The following AXDND1 variants were observed in gnomAD, a reference collection of about 807,000 sequenced individuals.
AXDND1 encodes axonemal dynein light chain domain containing 1, also known as axonemal dynein light chain domain-containing protein 1.
AXDND1 carries 110 observed loss-of-function variants against 137.5 expected under a neutral mutation model. That is an observed-to-expected ratio of 0.80 (90% CI 0.69 to 0.94). AXDND1 has a LOEUF of 0.94. Ranked by LOEUF, AXDND1 falls within the 40% of genes least tolerant of loss-of-function variation. The pLI, the probability that AXDND1 is intolerant of heterozygous loss-of-function variation, is 0.00. For missense variants in AXDND1, 1,191 were observed against 1,169.8 expected, an observed-to-expected ratio of 1.02 and a Z score of -0.26; for synonymous variants, 414 against 399.7, an observed-to-expected ratio of 1.04 and a Z score of -0.43.
chr1:179,455,688 G>A, intron 16 of AXDND1: 1 of 153,328 alleles, frequency 6.5e-6, no homozygotes, highest in Non-Finnish European at 1.5e-5. Context: ...ATCACCTTGG[G>A]GGGGAAATAT....
chr1:179,414,194 TACA>T (rs1654329886), intron 12 of AXDND1, among the ~76,000 whole-genome samples: 1 of 125,016 alleles, frequency 8.0e-6, no homozygotes, highest in South Asian at 2.7e-4. Flanking sequence ...ACAAGATAAA[TACA>T]AAAAAAAACC....
intron 25 of AXDND1, chr1:179,545,280 T>G (rs1207071083): frequency 6.6e-6 from 1 of 152,250 alleles, no homozygotes; most frequent in Non-Finnish European, 1.5e-5. Context: ...CCTAGAATTT[T>G]AGACCTTTAC....
intron 17 of AXDND1, among the ~76,000 whole-genome samples, chr1:179,473,975 A>G (rs12732253): frequency 0.55 from 83,337 of 151,752 alleles, 23,163 homozygotes; most frequent in East Asian, 0.76. Context: ...TGTAATCCTA[A>G]CATTTTGGGA....
At chr1:179,407,216 G>A (rs970416166) in intron 11 of AXDND1, among the ~76,000 whole-genome samples, 1 of 151,728 alleles carries the variant, frequency 6.6e-6, no homozygotes, top group Middle Eastern at 3.2e-3. Context: ...TGGCTAGCAG[G>A]GTTTTTTTTC....
In AXDND1 at chr1:179,437,887, C is replaced by G. The variant is rs548257394; in HGVS notation, c.1563+5545C>G. On this transcript the variant is annotated intron_variant, in intron 15 of 25. Transcript: ENST00000367618. The stretch of plus-strand genomic sequence containing the variant: ...AAGGTAATGGCCGGGCATTGTGGCT[C>G]ATGCCTGTAATCCCAGCACTTTGGG... Among the ~76,000 whole-genome samples the G allele has an allele frequency of 2.6e-5, 4 of 152,292 alleles. No homozygotes were observed. The South Asian group carries it at 8.3e-4, about 32-fold the overall frequency.
intron 15 of AXDND1, among the ~76,000 whole-genome samples, chr1:179,434,045 G>T (rs1657778757): frequency 6.6e-6 from 1 of 152,110 alleles, no homozygotes; most frequent in Admixed American, 6.5e-5. Flanking sequence ...TCTGTGTTGG[G>T]TGCATACATA....
chr1:179,468,603 T>C lies in AXDND1; in HGVS notation c.1959T>C (p.Thr653=), dbSNP rs1558226979. 1 of 1,612,340 alleles carries C rather than the reference T, an allele frequency of 6.2e-7. No individual in the cohort carries two copies. The highest frequency in any genetic ancestry group is 8.5e-7 in the Non-Finnish European group (1 of 1,179,664). Residue 653 remains threonine, a synonymous_variant, in exon 17 of 26, where the codon ACT becomes ACC. Transcript: ENST00000367618. ...ACTTGGATATATTGTTAAACCTTAC[T>C]GGTATTGTTCCACAGCACATAGATG... ...KSHLDILLNL[T]GIVPQHIDVD...
chr1:179,464,568 TTGG>T (rs1324905131), intron 16 of AXDND1, among the ~76,000 whole-genome samples: 2 of 152,164 alleles, frequency 1.3e-5, no homozygotes, highest in Non-Finnish European at 2.9e-5. Flanking sequence ...CATTTCAACT[TTGG>T]TGAATCTGAC....
intron 17 of AXDND1, 112 bp downstream of exon 17, chr1:179,468,753 A>T (rs1030748944): frequency 1.3e-6 from 1 of 773,242 alleles, no homozygotes; most frequent in Non-Finnish European, 1.9e-6. Flanking sequence ...GGTGTTCAGT[A>T]TATTTATAGA....
intron 11 of AXDND1, among the ~76,000 whole-genome samples, chr1:179,404,323 G>T (rs953458200): frequency 3.3e-5 from 5 of 151,246 alleles, no homozygotes; most frequent in African/African-American, 1.2e-4. Flanking sequence ...CTGGGTTCAA[G>T]CAGTTCTCCT....
intron 14 of AXDND1, among the ~76,000 whole-genome samples, chr1:179,431,564 T>TG (rs956798565): frequency 1.2e-4 from 18 of 151,552 alleles, no homozygotes; most frequent in Non-Finnish European, 2.4e-4. Context: ...TCTAAGGTTT[T>TG]TTTTTTTTTT....
intron 15 of AXDND1, among the ~76,000 whole-genome samples, chr1:179,440,722 A>G (rs1658860779): frequency 1.3e-5 from 2 of 152,240 alleles, no homozygotes; most frequent in African/African-American, 4.8e-5. Flanking sequence ...CAAATAAGAG[A>G]AATGTGAAGA....
chr1:179,379,275 C>A, intron 5 of AXDND1, 122 bp from the exon 6 acceptor site: 2 of 1,024,964 alleles, frequency 2.0e-6, no homozygotes, highest in Non-Finnish European at 2.8e-6. Flanking sequence ...GTTATTTCTC[C>A]AATCAAAATT....
intron 12 of AXDND1, among the ~76,000 whole-genome samples, chr1:179,412,410 A>C (rs1311827371): frequency 6.6e-6 from 1 of 152,182 alleles, no homozygotes; most frequent in Non-Finnish European, 1.5e-5. Context: ...AGCGTTCTCC[A>C]TGGAGATATA....
At chr1:179,490,759 C>CT (rs1433103931) in intron 18 of AXDND1, among the ~76,000 whole-genome samples, 14 of 68,832 alleles carry the variant, frequency 2.0e-4, no homozygotes, top group Non-Finnish European at 2.1e-4. Flanking sequence ...TCACACAGTA[C>CT]TTGTTTTTTT....
At chr1:179,440,877 T>A (rs1658883432) in intron 15 of AXDND1, among the ~76,000 whole-genome samples, 1 of 152,222 alleles carries the variant, frequency 6.6e-6, no homozygotes, top group African/African-American at 2.4e-5. Flanking sequence ...GTTGATAGGA[T>A]CTGAAGCTGT....
At chr1:179,528,744 A>G (rs2125694897) in intron 23 of AXDND1, among the ~76,000 whole-genome samples, 2 of 142,872 alleles carry the variant, frequency 1.4e-5, no homozygotes, top group Middle Eastern at 4.2e-3. Context: ...GGTTCCTGCT[A>G]CCATGCCCGG....
chr1:179,411,553 G>A (rs1000945508), intron 12 of AXDND1, among the ~76,000 whole-genome samples: 1 of 152,052 alleles, frequency 6.6e-6, no homozygotes, highest in Non-Finnish European at 1.5e-5. Flanking sequence ...TCAAAAAAAT[G>A]AGGATGTATA....
In AXDND1 at chr1:179,444,818, T is replaced by C. The variant is rs1659494698; in HGVS notation, c.1564-152T>C. 9.1e-6 allele frequency: 4 copies of C among 440,436 alleles called. No individual in the cohort carries two copies. In the South Asian group the frequency reaches 2.7e-4, roughly 30 times the overall value. The allele number at this position is 440,436 out of a possible 1,614,324, so 27.3% of individuals were successfully genotyped here. A position where few individuals can be genotyped will look rare whatever the true frequency, so the allele number is the denominator to read the frequency against. ...AATTCATTTTAATTTAAAAATAAGA[T>C]ATATGTCATATACCATCTCTTTGGA... On this transcript the variant is annotated intron_variant, in intron 15 of 25. Transcript: ENST00000367618.
Sources: gnomAD v4.1 joint callset for allele counts (sites outside exome capture counted in the v4.1 genomes callset) on GRCh38, gnomAD v4.1.1 for gene constraint, MANE v1.5 for transcripts, NCBI Gene and HGNC (gene_info 2026-07-23, HGNC 2026-07-21) for gene names.